HCN1: variants seen among roughly 807,000 people sequenced by gnomAD.
HCN1 encodes the protein potassium/sodium hyperpolarization-activated cyclic nucleotide-gated channel 1.
Under a neutral mutation model 78.9 loss-of-function variants are expected in HCN1, and 13 were observed. That is an observed-to-expected ratio of 0.16 (90% confidence interval 0.11 to 0.26). The LOEUF (loss-of-function observed/expected upper bound fraction) is 0.26. Among genes scored for constraint, HCN1 ranks in the 10% least tolerant of loss-of-function variants. HCN1 has a pLI of 1.00. For synonymous variants in HCN1, 552 were observed against 455.5 expected (o/e 1.21, Z -2.70); for missense variants, 810 against 1,154.3 (o/e 0.70, Z 4.32).
At chr5:45,595,549 A>T (rs1359203401) in intron 2 of HCN1, among the ~76,000 whole-genome samples, 1 of 152,096 alleles carries the variant, frequency 6.6e-6, no homozygotes, top group African/African-American at 2.4e-5. Context: ...TTTTGCTAAA[A>T]TATGTTTTAT....
chr5:45,643,966 T>G (rs369743384), intron 2 of HCN1: 1 of 152,176 alleles, frequency 6.6e-6, no homozygotes, highest in African/African-American at 2.4e-5. Context: ...CATTTGATTT[T>G]AAATATATCC....
chr5:45,295,805 C>G (rs2111892045), intron 6 of HCN1, among the ~76,000 whole-genome samples: 1 of 152,026 alleles, frequency 6.6e-6, no homozygotes. Flanking sequence ...TTGTCATGCT[C>G]AACTTATACA....
chr5:45,407,795 C>G (rs906981247), intron 3 of HCN1, among the ~76,000 whole-genome samples: 1 of 152,104 alleles, frequency 6.6e-6, no homozygotes. Context: ...CAAGCGTGAG[C>G]CACCATGCCC....
chr5:45,277,900 GT>G (rs1745096862), intron 6 of HCN1, among the ~76,000 whole-genome samples: 1 of 152,142 alleles, frequency 6.6e-6, no homozygotes, highest in African/African-American at 2.4e-5. Context: ...TGCATGAGTT[GT>G]GAGAATGATA....
intron 2 of HCN1, among the ~76,000 whole-genome samples, chr5:45,581,998 A>G (rs544597938): frequency 6.6e-6 from 1 of 152,206 alleles, no homozygotes; most frequent in Non-Finnish European, 1.5e-5. Context: ...TGACTTGGCA[A>G]TGCGGGCTCT....
chr5:45,568,806 G>A (rs1410472518), intron 2 of HCN1, among the ~76,000 whole-genome samples: 1 of 151,762 alleles, frequency 6.6e-6, no homozygotes, highest in Non-Finnish European at 1.5e-5. Context: ...GTAAGGGCTC[G>A]GAAAACAATA....
At chr5:45,665,980 C>T (rs182237538) in intron 1 of HCN1, among the ~76,000 whole-genome samples, 40 of 152,096 alleles carry the variant, frequency 2.6e-4, no homozygotes, top group Non-Finnish European at 4.3e-4. Context: ...TCTGCACAAC[C>T]GCTCCCTGTA....
intron 2 of HCN1, among the ~76,000 whole-genome samples, chr5:45,496,764 C>T (rs1166613715): frequency 6.6e-6 from 1 of 152,042 alleles, no homozygotes; most frequent in Admixed American, 6.6e-5. Flanking sequence ...ATGTGTTGCT[C>T]TTGCTTTTCT....
chr5:45,507,728 T>G (rs968867897), intron 2 of HCN1, among the ~76,000 whole-genome samples: 3 of 152,150 alleles, frequency 2.0e-5, no homozygotes, highest in Non-Finnish European at 4.4e-5. Flanking sequence ...TTTTAGGTCT[T>G]TGTTAATGAA....
At chr5:45,521,096 C>G (rs1417743699) in intron 2 of HCN1, among the ~76,000 whole-genome samples, 1 of 151,492 alleles carries the variant, frequency 6.6e-6, no homozygotes, top group African/African-American at 2.4e-5. Flanking sequence ...TCTGGGAGCC[C>G]TTGAACACTT....
At chr5:45,370,708 G>C (rs894047215) in intron 4 of HCN1, among the ~76,000 whole-genome samples, 1 of 151,960 alleles carries the variant, frequency 6.6e-6, no homozygotes, top group Admixed American at 6.6e-5. Context: ...TAAGGCCACA[G>C]AGCTAGCTAT....
At chr5:45,389,459 T>G (rs1162648335) in intron 4 of HCN1, among the ~76,000 whole-genome samples, 1 of 152,142 alleles carries the variant, frequency 6.6e-6, no homozygotes, top group East Asian at 1.9e-4. Context: ...CTATGAATCA[T>G]TCTATTAGGT....
At chr5:45,396,381 T>C (rs1739687086) in intron 4 of HCN1, 111 bp downstream of exon 4, 1 of 872,526 alleles carries the variant, frequency 1.1e-6, no homozygotes, top group South Asian at 1.5e-5. Context: ...TTAAACATTT[T>C]ATCTCTTTTT....
intron 5 of HCN1, among the ~76,000 whole-genome samples, chr5:45,345,741 C>G (rs1297968111): frequency 1.3e-5 from 2 of 152,320 alleles, no homozygotes; most frequent in Non-Finnish European, 2.9e-5. Flanking sequence ...CAACAAGTCT[C>G]TAGGAAGTTC....
chr5:45,643,221 T>C (rs1329856227), intron 2 of HCN1: 2 of 152,126 alleles, frequency 1.3e-5, no homozygotes, highest in African/African-American at 4.8e-5. Context: ...TATACTCTTA[T>C]ATGACCACAT....
Position 45,527,266 on chromosome 5 carries a change from G to A in HCN1, c.850-65259C>T, listed in dbSNP as rs146449984. ...TTTTTTATATCTTCATTTGCATGGC[G>A]TATAGTACAGAGTCAATAAATGTTT... is the stretch of plus-strand genomic sequence containing the variant. On this transcript the variant is annotated intron_variant, in intron 2 of 7. Transcript: ENST00000303230. 4.4e-4 allele frequency among the ~76,000 whole-genome samples: 60 copies of A among 136,644 alleles called. 10 individuals are homozygous for A. The East Asian group carries it at 0.011, about 24-fold the overall frequency. The allele number at this position is 136,644 out of a possible 152,430, so 89.6% of individuals were successfully genotyped here. A position where few individuals can be genotyped will look rare whatever the true frequency, so the allele number is the denominator to read the frequency against.
intron 3 of HCN1, among the ~76,000 whole-genome samples, chr5:45,426,422 G>T (rs1740347982): frequency 6.6e-6 from 1 of 152,180 alleles, no homozygotes; most frequent in African/African-American, 2.4e-5. Context: ...CACATGTCAT[G>T]GGAGGGACCT....
intron 1 of HCN1, among the ~76,000 whole-genome samples, chr5:45,663,606 T>C (rs1220798264): frequency 7.1e-6 from 1 of 140,026 alleles, no homozygotes; most frequent in Non-Finnish European, 1.5e-5. Flanking sequence ...CAAACAAATT[T>C]ACAAGAAAAA....
intron 2 of HCN1, among the ~76,000 whole-genome samples, chr5:45,564,291 T>C: frequency 6.6e-6 from 1 of 151,838 alleles, no homozygotes; most frequent in Non-Finnish European, 1.5e-5. Context: ...GACGGAGTCT[T>C]GCTCTGTCAC....
Sources: allele counts gnomAD v4.1 joint callset (sites outside exome capture counted in the v4.1 genomes callset), GRCh38; gene constraint gnomAD v4.1.1; transcripts MANE v1.5; gene names NCBI Gene and HGNC (gene_info 2026-07-23, HGNC 2026-07-21).